WASF1: variants seen among roughly 807,000 people sequenced by gnomAD.
The protein encoded by WASF1 is WASP family member 1.
In WASF1, 7 loss-of-function variants were observed where a neutral mutation model predicts 50.5. The observed-to-expected ratio is 0.14, with a 90% CI of 0.08 to 0.26. The LOEUF (loss-of-function observed/expected upper bound fraction) is 0.26, where lower values mean the gene tolerates loss of function less well. WASF1 is among the 10% of genes least tolerant of loss of function. The probability of loss-of-function intolerance (pLI) is 1.00; values close to 1 mark genes in which losing one functional copy is unlikely to be tolerated. For missense variants in WASF1, 470 were observed against 694.7 expected, an observed-to-expected ratio of 0.68 and a Z score of 3.64; for synonymous variants, 205 against 244.0, an observed-to-expected ratio of 0.84 and a Z score of 1.49.
intron 2 of WASF1, among the ~76,000 whole-genome samples, chr6:110,173,028 G>C (rs1206807646): frequency 2.0e-5 from 3 of 152,070 alleles, no homozygotes; most frequent in African/African-American, 4.8e-5. Flanking sequence ...GGCATAACCT[G>C]TAGCACATGC....
chr6:110,171,147 A>C (rs1014361351), intron 2 of WASF1, among the ~76,000 whole-genome samples: 11 of 152,170 alleles, frequency 7.2e-5, no homozygotes, highest in Non-Finnish European at 1.0e-4. Context: ...TCAAGCTCAC[A>C]TAAGTCATTC....
Position 110,117,745 on chromosome 6 carries a change from G to T in WASF1, c.134-4285C>A, listed in dbSNP as rs574613450. On this transcript the variant is annotated intron_variant, in intron 4 of 10. Coordinates refer to ENST00000392589, the MANE Select transcript of WASF1 (RefSeq NM_003931.3). ...CCAAGGTTGAAATGAAGGAAAAAATGTTAAGGGCAGCCACAGAGAAAGGTC... is the reference window on the plus strand; with the variant it reads ...CCAAGGTTGAAATGAAGGAAAAAATTTTAAGGGCAGCCACAGAGAAAGGTC... 3.9e-5 allele frequency among the ~76,000 whole-genome samples: 6 copies of T among 152,224 alleles called. No homozygotes were observed. The South Asian group carries it at 1.2e-3, about 32-fold the overall frequency.
chr6:110,148,029 G>A (rs891494060), intron 3 of WASF1, among the ~76,000 whole-genome samples: 3 of 152,130 alleles, frequency 2.0e-5, no homozygotes, highest in Non-Finnish European at 2.9e-5. Flanking sequence ...TTATAGACAT[G>A]AGCCACTGCA....
rs374057598 is a variant in WASF1 at position 110,103,573 on chromosome 6, A to G, written c.714-16T>C. On this transcript the variant is annotated splice_polypyrimidine_tract_variant and intron_variant, in intron 8 of 10. Transcript: ENST00000392589. ...TGTCTGAGGTCTAAAAGAAATATAT[A>G]GTATCAGTGAATTATTCTTGAATTA... is the stretch of plus-strand genomic sequence containing the variant. 5.1e-5 allele frequency: 81 copies of G among 1,574,382 alleles called. No individual in the cohort carries two copies. The highest frequency in any genetic ancestry group is 1.2e-4 in the Admixed American group (7 of 57,118).
intron 2 of WASF1, among the ~76,000 whole-genome samples, chr6:110,166,782 G>T (rs552176929): frequency 6.6e-6 from 1 of 151,980 alleles, no homozygotes; most frequent in African/African-American, 2.4e-5. Flanking sequence ...GTCCCTCTGT[G>T]GCTAGTCCTG....
At chr6:110,152,827 T>C (rs1775882526) in intron 3 of WASF1, among the ~76,000 whole-genome samples, 1 of 152,182 alleles carries the variant, frequency 6.6e-6, no homozygotes, top group Non-Finnish European at 1.5e-5. Flanking sequence ...TTTGATTAGG[T>C]TTATAACAGT....
intron 3 of WASF1, among the ~76,000 whole-genome samples, chr6:110,134,770 T>C (rs1320445169): frequency 6.6e-6 from 1 of 152,190 alleles, no homozygotes; most frequent in Non-Finnish European, 1.5e-5. Context: ...TTGGTTAGTA[T>C]GCCCTTATAG....
chr6:110,112,170 T>C (rs1773585823), intron 5 of WASF1, among the ~76,000 whole-genome samples: 1 of 151,898 alleles, frequency 6.6e-6, no homozygotes, highest in Non-Finnish European at 1.5e-5. Context: ...ATTTTTATTG[T>C]TAAAGTTTAG....
In WASF1 at chr6:110,111,315, T is replaced by C. The variant is rs75858317; in HGVS notation, c.268+2011A>G. ...CTAACAATGATTTTATTTCAAGAAT[T>C]CCATGAGGTGTAATTAATGTATTGA... On this transcript the variant is annotated intron_variant, in intron 5 of 10. Coordinates refer to ENST00000392589, the MANE Select transcript of WASF1 (RefSeq NM_003931.3). Among the ~76,000 whole-genome samples the C allele has an allele frequency of 7.1e-4, 108 of 152,160 alleles. 2 individuals are homozygous for C. The East Asian group carries it at 0.016, about 22-fold the overall frequency.
At chr6:110,138,278 TAG>T (rs766260687) in intron 3 of WASF1, among the ~76,000 whole-genome samples, 31 of 152,204 alleles carry the variant, frequency 2.0e-4, no homozygotes, top group Non-Finnish European at 3.7e-4. Context: ...CAGAAGCTTG[TAG>T]ACACCAGGAA....
chr6:110,145,090 A>G (rs1240938633), intron 3 of WASF1, among the ~76,000 whole-genome samples: 1 of 152,190 alleles, frequency 6.6e-6, no homozygotes, highest in African/African-American at 2.4e-5. Context: ...CCTACCCATG[A>G]GCATGGAATG....
intron 2 of WASF1, chr6:110,177,309 T>C (rs900618355): frequency 1.3e-5 from 2 of 152,064 alleles, no homozygotes; most frequent in African/African-American, 2.4e-5. Flanking sequence ...ATTTTATCTA[T>C]ATGTTTAACT....
intron 9 of WASF1, 123 bp from the exon 10 acceptor site, chr6:110,102,339 T>C: frequency 9.7e-7 from 1 of 1,027,250 alleles, no homozygotes; most frequent in Non-Finnish European, 1.3e-6. Context: ...AACATGCTCC[T>C]ATAGAAATTT....
At chr6:110,128,039 G>A (rs1351869467) in intron 3 of WASF1, among the ~76,000 whole-genome samples, 1 of 152,088 alleles carries the variant, frequency 6.6e-6, no homozygotes, top group Non-Finnish European at 1.5e-5. Flanking sequence ...TCTATAAGTA[G>A]TTAAGTTTTT....
At position 110,113,428 on chromosome 6, in the gene WASF1, A is replaced by C. The variant is rs748559719; in HGVS notation, c.166T>G (p.Phe56Val). 1 of 1,601,250 alleles carries C rather than the reference A, an allele frequency of 6.2e-7. No homozygotes were observed. The highest frequency in any genetic ancestry group is 8.5e-7 in the Non-Finnish European group (1 of 1,174,902). ...AAGGAAAAACTATGTGCTTCATTGA[A>C]TAATTCTCCAAATATATCTTCAGCA... ...KYAEDIFGEL[F>V]NEAHSFSFRV... The change falls in exon 5 of 11, where the codon TTC becomes GTC. Residue 56 changes from phenylalanine to valine, a missense_variant. Transcript: ENST00000392589.
intron 10 of WASF1, 143 bp downstream of exon 10, chr6:110,101,445 T>C: frequency 1.0e-6 from 1 of 1,000,600 alleles, no homozygotes; most frequent in African/African-American, 1.6e-5. Flanking sequence ...ATAAGTTGGA[T>C]ATAGCTTTAC....
chr6:110,150,897 C>T (rs1177153474), intron 3 of WASF1, among the ~76,000 whole-genome samples: 2 of 152,012 alleles, frequency 1.3e-5, no homozygotes, highest in Non-Finnish European at 2.9e-5. Context: ...ATTAGCCAGG[C>T]TTGGTGGCAC....
intron 10 of WASF1, 69 bp from the exon 11 acceptor site, chr6:110,100,748 G>T: frequency 7.4e-7 from 1 of 1,352,786 alleles, no homozygotes; most frequent in Non-Finnish European, 9.7e-7. Flanking sequence ...TAATATTTCT[G>T]GAATAAAATC....
At position 110,107,176 on chromosome 6, in the gene WASF1, A is replaced by G. The variant is rs1302508755; in HGVS notation, c.441T>C (p.Gly147=). 5 of 1,592,926 alleles carry G rather than the reference A, an allele frequency of 3.1e-6. No individual in the cohort carries two copies. The highest frequency in any genetic ancestry group is 4.3e-6 in the Non-Finnish European group (5 of 1,170,938). ...ACGAAGGATTGGTATAAAACTTCAG[A>G]CCTTCTTTACCATCATCTCTGAAAT... ...LTPYRDDGKE[G]LKFYTNPSYF... Residue 147 remains glycine (G), a synonymous_variant, in exon 7 of 11, where the codon GGT becomes GGC. Transcript: ENST00000392589.
Sources: allele counts gnomAD v4.1 joint callset (sites outside exome capture counted in the v4.1 genomes callset), GRCh38; gene constraint gnomAD v4.1.1; transcripts MANE v1.5; gene names NCBI Gene and HGNC (gene_info 2026-07-23, HGNC 2026-07-21).